GALNT13: variants seen among roughly 807,000 people sequenced by gnomAD.
The protein encoded by GALNT13 is polypeptide N-acetylgalactosaminyltransferase 13.
Under a neutral mutation model 64.2 loss-of-function variants are expected in GALNT13, and 28 were observed. The observed-to-expected ratio is 0.44, with a 90% CI of 0.32 to 0.60. The LOEUF (loss-of-function observed/expected upper bound fraction) is 0.60. Among genes scored for constraint, GALNT13 ranks in the 20% least tolerant of loss-of-function variants. The pLI is 0.05. For synonymous variants in GALNT13, 214 were observed against 224.6 expected (o/e 0.95, Z 0.42); for missense variants, 577 against 669.8 (o/e 0.86, Z 1.53).
At chr2:154,320,852 A>G (rs1694585818) in intron 9 of GALNT13, among the ~76,000 whole-genome samples, 1 of 152,206 alleles carries the variant, frequency 6.6e-6, no homozygotes, top group African/African-American at 2.4e-5. Context: ...CTAATTGACA[A>G]TGAACTTTAT....
At chr2:153,905,969 T>G (rs925556803) in intron 2 of GALNT13, among the ~76,000 whole-genome samples, 2 of 152,022 alleles carry the variant, frequency 1.3e-5, no homozygotes, top group East Asian at 3.9e-4. Flanking sequence ...AAAGGAATGA[T>G]TAAAGTCCTA....
intron 3 of GALNT13, among the ~76,000 whole-genome samples, chr2:153,958,512 T>A (rs183289060): frequency 6.6e-6 from 1 of 152,206 alleles, no homozygotes; most frequent in African/African-American, 2.4e-5. Context: ...CCATACTAAA[T>A]GAGTTTCTTC....
At chr2:154,049,134 T>C (rs933234065) in intron 3 of GALNT13, among the ~76,000 whole-genome samples, 4 of 152,006 alleles carry the variant, frequency 2.6e-5, no homozygotes, top group Admixed American at 1.3e-4. Context: ...TTAATGCCTG[T>C]CAGTTGCCAT....
At chr2:153,807,462 T>C in the GALNT13 span, among the ~76,000 whole-genome samples, 1 of 152,022 alleles carries the variant, frequency 6.6e-6, no homozygotes, top group South Asian at 2.1e-4. Context: ...GCCACACAAT[T>C]ATTTAACTGT....
the GALNT13 span, among the ~76,000 whole-genome samples, chr2:153,631,609 C>G: frequency 1.3e-5 from 2 of 152,122 alleles, no homozygotes; most frequent in African/African-American, 4.8e-5. Flanking sequence ...TAAATGTCTT[C>G]TTTTGAGAAG....
At chr2:154,095,739 G>A (rs1330971171) in intron 3 of GALNT13, among the ~76,000 whole-genome samples, 1 of 151,684 alleles carries the variant, frequency 6.6e-6, no homozygotes, top group Non-Finnish European at 1.5e-5. Flanking sequence ...ATGAATTTTA[G>A]GGCATTAAAT....
intron 2 of GALNT13, among the ~76,000 whole-genome samples, chr2:153,941,649 A>G (rs1691349972): frequency 6.6e-6 from 1 of 152,082 alleles, no homozygotes; most frequent in African/African-American, 2.4e-5. Flanking sequence ...TTAAAGTACC[A>G]TTTTTCTGCT....
chr2:153,329,596 T>C, the GALNT13 span, among the ~76,000 whole-genome samples: 2 of 152,338 alleles, frequency 1.3e-5, no homozygotes, highest in African/African-American at 2.4e-5. Context: ...TGTCTGTTCA[T>C]GTCTTTTGAC....
At chr2:153,181,793 TATAA>T in the GALNT13 span, among the ~76,000 whole-genome samples, 1 of 146,072 alleles carries the variant, frequency 6.8e-6, no homozygotes, top group African/African-American at 2.5e-5. Context: ...ATTTATATTA[TATAA>T]ATATACTTAC....
chr2:153,565,538 CCTTA>C, the GALNT13 span, among the ~76,000 whole-genome samples: 3 of 151,992 alleles, frequency 2.0e-5, no homozygotes, highest in Admixed American at 2.0e-4. Context: ...CACTCCATCT[CCTTA>C]CTTAATGTCA....
chr2:153,868,871 TTC>T (rs1270182023), upstream of GALNT13, among the ~76,000 whole-genome samples: 2 of 152,186 alleles, frequency 1.3e-5, no homozygotes, highest in East Asian at 1.9e-4. Flanking sequence ...ATGCCAAACT[TTC>T]TGTTTGAAAA....
the GALNT13 span, among the ~76,000 whole-genome samples, chr2:153,231,857 A>G: frequency 6.6e-6 from 1 of 151,980 alleles, no homozygotes; most frequent in Non-Finnish European, 1.5e-5. Context: ...CAAGAAAGGG[A>G]TGTTTAATTT....
intron 11 of GALNT13, among the ~76,000 whole-genome samples, chr2:154,423,116 A>G (rs543230283): frequency 1.3e-4 from 17 of 126,394 alleles, no homozygotes; most frequent in Admixed American, 3.8e-4. Context: ...CCTGTGTCCA[A>G]GTGTTCTCAT....
the GALNT13 span, among the ~76,000 whole-genome samples, chr2:153,200,036 C>CA: frequency 2.6e-5 from 4 of 152,186 alleles, no homozygotes; most frequent in African/African-American, 9.6e-5. Context: ...GGGAGCCCCA[C>CA]AAAAAACATA....
At chr2:153,141,465 A>G in the GALNT13 span, among the ~76,000 whole-genome samples, 1 of 152,036 alleles carries the variant, frequency 6.6e-6, no homozygotes, top group East Asian at 1.9e-4. Context: ...AGAGGCCTCC[A>G]GACTTCTCAG....
chr2:153,868,528 T>C (rs545343065), upstream of GALNT13, among the ~76,000 whole-genome samples: 125 of 152,368 alleles, frequency 8.2e-4, 1 homozygote, highest in African/African-American at 2.5e-3. Flanking sequence ...CTCTTAAAGT[T>C]ATATAATACA....
intron 1 of GALNT13, among the ~76,000 whole-genome samples, chr2:153,882,325 A>G (rs1686841243): frequency 6.6e-6 from 1 of 152,044 alleles, no homozygotes. Flanking sequence ...AAACAAAATA[A>G]TTTATCAAAC....
the GALNT13 span, among the ~76,000 whole-genome samples, chr2:153,632,168 T>C: frequency 6.6e-6 from 1 of 152,178 alleles, no homozygotes; most frequent in South Asian, 2.1e-4. Flanking sequence ...TAACAGTCTT[T>C]ACTACAAGTT....
chr2:153,596,135 G>C, the GALNT13 span, among the ~76,000 whole-genome samples: 1 of 152,200 alleles, frequency 6.6e-6, no homozygotes, highest in Non-Finnish European at 1.5e-5. Flanking sequence ...CTAACAGCCA[G>C]AGAGCTTCCA....
Sources: allele counts gnomAD v4.1 joint callset (sites outside exome capture counted in the v4.1 genomes callset), GRCh38; gene constraint gnomAD v4.1.1; transcripts MANE v1.5; gene names NCBI Gene and HGNC (gene_info 2026-07-23, HGNC 2026-07-21).